The following DENND1A variants were observed in gnomAD, a reference collection of about 807,000 sequenced individuals.
DENND1A encodes the protein DENN domain-containing protein 1A.
In DENND1A, 51 loss-of-function variants were observed where a neutral mutation model predicts 113.7. The ratio of observed to expected loss-of-function variants is 0.45; its 90% confidence interval spans 0.36 to 0.57. The LOEUF (loss-of-function observed/expected upper bound fraction) is 0.57, where lower values mean the gene tolerates loss of function less well. Ranked by LOEUF, DENND1A falls within the 20% of genes least tolerant of loss-of-function variation. DENND1A has a pLI of 0.00. For missense variants in DENND1A, 1,258 were observed against 1,395.9 expected (o/e 0.90, Z 1.57); for synonymous variants, 565 against 570.8 (o/e 0.99, Z 0.14).
rs118017531 is a variant in DENND1A, at chr9:123,909,636, T to C, written c.17+20253A>G. On this transcript the variant is annotated intron_variant, in intron 1 of 23. Transcript: ENST00000394215. Reference sequence around the variant, plus strand: ...TTAAGCACTTTCCTCTGAATTCAGGTATAAGACCACTATATCTGTACTCAG... The same window carrying C: ...TTAAGCACTTTCCTCTGAATTCAGGCATAAGACCACTATATCTGTACTCAG... 5.3e-3 allele frequency among the ~76,000 whole-genome samples: 812 copies of C among 152,122 alleles called. 9 individuals carry two copies. Among genetic ancestry groups the C allele is most frequent in the South Asian group, 0.039 (190 of 4,828 alleles).
intron 5 of DENND1A, among the ~76,000 whole-genome samples, chr9:123,682,925 G>A (rs765093901): frequency 6.6e-6 from 1 of 152,084 alleles, no homozygotes; most frequent in Non-Finnish European, 1.5e-5. Flanking sequence ...AACCAGAATG[G>A]GCAGGAAAAC....
intron 6 of DENND1A, among the ~76,000 whole-genome samples, chr9:123,673,939 A>T (rs1023979773): frequency 3.3e-5 from 5 of 151,818 alleles, no homozygotes; most frequent in Admixed American, 3.3e-4. Flanking sequence ...TCCCTCCCCA[A>T]CACTGACATC....
chr9:123,425,310 C>A (rs2045628430), intron 19 of DENND1A, among the ~76,000 whole-genome samples: 1 of 152,242 alleles, frequency 6.6e-6, no homozygotes, highest in Non-Finnish European at 1.5e-5. Context: ...GCAGCTCCGA[C>A]ACAGACCTTT....
rs1588538084 is a variant in DENND1A at position 123,440,308 on chromosome 9, A to G, written c.1488+52T>C. On this transcript the variant is annotated intron_variant, in intron 19 of 23. Transcript: ENST00000394215. ...GCTGCATGTGCTACTGCTGCTAAAA[A>G]CAAAAATAAAAAAAAAACAAAACAG... is the stretch of plus-strand genomic sequence containing the variant. 9.0e-6 allele frequency: 14 copies of G among 1,557,088 alleles called. No individual in the cohort carries two copies. In the East Asian group the frequency reaches 3.3e-4, roughly 37 times the overall value.
chr9:123,883,968 T>C (rs1191676497), intron 1 of DENND1A, among the ~76,000 whole-genome samples: 1 of 152,090 alleles, frequency 6.6e-6, no homozygotes, highest in Admixed American at 6.5e-5. Flanking sequence ...TGTTGCCTTA[T>C]GGAAGAAGTG....
chr9:123,510,867 T>G (rs2053400486), intron 13 of DENND1A, among the ~76,000 whole-genome samples: 1 of 152,290 alleles, frequency 6.6e-6, no homozygotes, highest in East Asian at 1.9e-4. Flanking sequence ...CAGAAGGAAG[T>G]AAGTTCCCTG....
At chr9:123,490,429 T>C (rs1051948400) in intron 13 of DENND1A, among the ~76,000 whole-genome samples, 1 of 151,812 alleles carries the variant, frequency 6.6e-6, no homozygotes, top group Non-Finnish European at 1.5e-5. Context: ...CTACTAAAAA[T>C]ACCAAAAAAA....
At chr9:123,557,741 G>T (rs755041922) in intron 12 of DENND1A, 46 bp from the exon 13 acceptor site, 1 of 1,605,870 alleles carries the variant, frequency 6.2e-7, no homozygotes. Context: ...CAGGGTCAAA[G>T]TAGGGTGGCT....
At chr9:123,601,328 A>G (rs1051647942) in intron 11 of DENND1A, among the ~76,000 whole-genome samples, 1 of 152,248 alleles carries the variant, frequency 6.6e-6, no homozygotes, top group Non-Finnish European at 1.5e-5. Context: ...AAATTGTTTT[A>G]TATTAACTAA....
rs1460422351 is a variant in DENND1A at position 123,676,734 on chromosome 9, T to C, written c.358A>G (p.Thr120Ala). 6.2e-7 allele frequency: 1 copy of C among 1,613,906 alleles called. No homozygotes were observed. The highest frequency in any genetic ancestry group is 2.2e-5 in the East Asian group (1 of 44,876). Residue 120 changes from threonine (T) to alanine (A), a missense_variant, in exon 6 of 24, where the codon ACG becomes GCG. By Grantham distance (58) the Thr-to-Ala change is moderately conservative. Coordinates refer to ENST00000394215, the MANE Select transcript of DENND1A (RefSeq NM_001352964.2). ...AAGGTAAATACCTGTCTTTTTGTCG[T>C]GTAATCTGCCAGGATGTTAAGCAGC... is the stretch of plus-strand genomic sequence containing the variant. ...YKLLNILADY[T>A]TKRQENQWNE...
chr9:123,435,582 G>A (rs1411413467), intron 19 of DENND1A, among the ~76,000 whole-genome samples: 1 of 152,234 alleles, frequency 6.6e-6, no homozygotes, highest in East Asian at 1.9e-4. Flanking sequence ...CAGATTGGAA[G>A]GCAGGCAACT....
At chr9:123,882,147 T>A (rs1298481977) in intron 1 of DENND1A, among the ~76,000 whole-genome samples, 1 of 151,902 alleles carries the variant, frequency 6.6e-6, no homozygotes, top group African/African-American at 2.4e-5. Flanking sequence ...CAGTCACATC[T>A]CCAACCTGAC....
intron 21 of DENND1A, among the ~76,000 whole-genome samples, chr9:123,398,710 G>A (rs1228829064): frequency 6.6e-6 from 1 of 150,700 alleles, no homozygotes; most frequent in Non-Finnish European, 1.5e-5. Context: ...CAGTTGGATG[G>A]GCAATTTACC....
At chr9:123,846,085 T>A (rs1842577115) in intron 2 of DENND1A, among the ~76,000 whole-genome samples, 1 of 152,048 alleles carries the variant, frequency 6.6e-6, no homozygotes, top group Non-Finnish European at 1.5e-5. Flanking sequence ...AGAAGCACAC[T>A]AAAAGATGCT....
intron 2 of DENND1A, among the ~76,000 whole-genome samples, chr9:123,846,513 AGC>A (rs1564380303): frequency 6.6e-6 from 1 of 152,250 alleles, no homozygotes; most frequent in Non-Finnish European, 1.5e-5. Context: ...ATAAATATTC[AGC>A]CATAAAGAGG....
At chr9:123,450,558 G>A (rs189283614) in intron 18 of DENND1A, 135 bp downstream of exon 18, 19 of 600,680 alleles carry the variant, frequency 3.2e-5, no homozygotes, top group African/African-American at 1.7e-4. Context: ...GAAAACTCCC[G>A]GACAGCTGGT....
At chr9:123,736,761 T>C (rs972160798) in intron 5 of DENND1A, among the ~76,000 whole-genome samples, 3 of 152,244 alleles carry the variant, frequency 2.0e-5, no homozygotes, top group African/African-American at 7.2e-5. Context: ...TTGAATTTTT[T>C]TGAATCACAG....
chr9:123,563,993 T>C (rs2057910792), intron 12 of DENND1A, among the ~76,000 whole-genome samples: 1 of 152,202 alleles, frequency 6.6e-6, no homozygotes, highest in South Asian at 2.1e-4. Flanking sequence ...TCCTAATCTT[T>C]GCAGGTCCCA....
At chr9:123,595,796 C>T (rs981383793) in intron 11 of DENND1A, among the ~76,000 whole-genome samples, 3 of 152,132 alleles carry the variant, frequency 2.0e-5, no homozygotes, top group African/African-American at 4.8e-5. Flanking sequence ...AGCAGACGCT[C>T]GGTCAGTGCC....
Sources: gnomAD v4.1 joint callset for allele counts (sites outside exome capture counted in the v4.1 genomes callset) on GRCh38, gnomAD v4.1.1 for gene constraint, MANE v1.5 for transcripts, NCBI Gene and HGNC (gene_info 2026-07-23, HGNC 2026-07-21) for gene names.